SNX29: variants seen among roughly 807,000 people sequenced by gnomAD.
The protein encoded by SNX29 is sorting nexin 29, also known as sorting nexin-29.
SNX29 carries 78 observed loss-of-function variants against 102.1 expected under a neutral mutation model. That is an observed-to-expected ratio of 0.76 (90% confidence interval 0.64 to 0.92). SNX29 has a LOEUF of 0.92. Among genes scored for constraint, SNX29 ranks in the 40% least tolerant of loss-of-function variants. SNX29 has a pLI of 0.00. For synonymous variants in SNX29, 580 were observed against 414.5 expected, an observed-to-expected ratio of 1.40 and a Z score of -4.85; for missense variants, 1,280 against 1,061.7, an observed-to-expected ratio of 1.21 and a Z score of -2.86.
Position 12,126,675 on chromosome 16 carries a change from A to T in SNX29, c.1445A>T (p.Asp482Val). The change falls in exon 12 of 21, where the codon GAT becomes GTT. Residue 482 changes from aspartate to valine, a missense_variant. Physicochemically the swap from Asp to Val is radical, Grantham distance 152. Coordinates refer to ENST00000566228, the MANE Select transcript of SNX29 (RefSeq NM_032167.5). ...QATVAMMNRK[D>V]ELEEENRSLR... ...ACTGTGGCCATGATGAACAGGAAGG[A>T]TGAGCTGGAGGAGGAGAACAGGTAC... 1 of 1,614,020 alleles carries T rather than the reference A, an allele frequency of 6.2e-7. No individual in the cohort carries two copies. Among genetic ancestry groups the T allele is most frequent in the Non-Finnish European group, 8.5e-7 (1 of 1,179,890 alleles).
intron 14 of SNX29, among the ~76,000 whole-genome samples, chr16:12,253,565 G>T (rs953543013): frequency 6.6e-6 from 1 of 152,140 alleles, no homozygotes. Context: ...AGTTGCCAAG[G>T]GGGCACTGGC....
chr16:12,325,391 C>T (rs118126516), intron 15 of SNX29, among the ~76,000 whole-genome samples: 2,851 of 152,252 alleles, frequency 0.019, 41 homozygotes, highest in Middle Eastern at 0.058. Context: ...TAAATGCATT[C>T]TGGCAGCTCT....
At chr16:12,164,197 T>C (rs1051540393) in intron 13 of SNX29, among the ~76,000 whole-genome samples, 1 of 151,606 alleles carries the variant, frequency 6.6e-6, no homozygotes, top group Non-Finnish European at 1.5e-5. Flanking sequence ...GGCCCTGGGG[T>C]AGGGATGAGT....
chr16:12,422,263 T>C (rs2084904248), intron 18 of SNX29, among the ~76,000 whole-genome samples: 1 of 152,190 alleles, frequency 6.6e-6, no homozygotes, highest in African/African-American at 2.4e-5. Context: ...GTTACCCATC[T>C]GCAAACAGAG....
At chr16:12,281,961 A>G (rs147583703) in intron 15 of SNX29, among the ~76,000 whole-genome samples, 44 of 151,802 alleles carry the variant, frequency 2.9e-4, no homozygotes, top group Admixed American at 6.6e-4. Flanking sequence ...GCATATGTCT[A>G]TAGTCCCCAG....
In SNX29 at chr16:12,413,786, C is replaced by T. The variant is rs559607653; in HGVS notation, c.2037+10257C>T. Among the ~76,000 whole-genome samples, 42 of 152,322 alleles carry T rather than the reference C, an allele frequency of 2.8e-4. 1 individual carries two copies. Among genetic ancestry groups the T allele is most frequent in the Admixed American group, 2.2e-3 (34 of 15,306 alleles). On this transcript the variant is annotated intron_variant, in intron 18 of 20. Coordinates refer to ENST00000566228, the MANE Select transcript of SNX29 (RefSeq NM_032167.5). ...CTGCATCAGCCTGTGGCTTTGAGAG[C>T]CGCCTTGCTGAGAGTGGCCTTACTC...
chr16:12,292,595 TTGTAAGGGGCAC>T (rs1351484950), intron 15 of SNX29, among the ~76,000 whole-genome samples: 2 of 152,210 alleles, frequency 1.3e-5, no homozygotes, highest in Non-Finnish European at 2.9e-5. Context: ...TTCTAGTTGA[TTGTAAGGGGCAC>T]TGCCAGAAGA....
At chr16:12,434,072 C>T (rs2085427138) in intron 18 of SNX29, among the ~76,000 whole-genome samples, 1 of 152,128 alleles carries the variant, frequency 6.6e-6, no homozygotes, top group African/African-American at 2.4e-5. Context: ...GGTTGATGGG[C>T]AAGTTTACTG....
chr16:12,041,221 C>T (rs1436693697), intron 4 of SNX29, among the ~76,000 whole-genome samples: 3 of 152,164 alleles, frequency 2.0e-5, no homozygotes, highest in Non-Finnish European at 4.4e-5. Flanking sequence ...AAATGATTCT[C>T]CTGCCTCAGC....
chr16:12,308,757 C>T (rs2080433064), intron 15 of SNX29, among the ~76,000 whole-genome samples: 1 of 152,130 alleles, frequency 6.6e-6, no homozygotes, highest in Non-Finnish European at 1.5e-5. Flanking sequence ...ATCAGTTTCT[C>T]AGCTGGAGAG....
intron 16 of SNX29, among the ~76,000 whole-genome samples, chr16:12,396,761 G>C (rs2083738589): frequency 6.6e-6 from 1 of 152,330 alleles, no homozygotes; most frequent in Non-Finnish European, 1.5e-5. Context: ...CATGGAGTGG[G>C]ATGAGGTGGA....
chr16:12,546,566 A>G (rs1032023501), intron 20 of SNX29: 7 of 152,212 alleles, frequency 4.6e-5, no homozygotes, highest in Admixed American at 1.3e-4. Flanking sequence ...AAGATGACAC[A>G]TGGTTTGGCT....
chr16:12,477,182 C>T (rs527559802), intron 18 of SNX29, among the ~76,000 whole-genome samples: 7 of 152,302 alleles, frequency 4.6e-5, no homozygotes, highest in East Asian at 1.9e-4. Context: ...CATCTGGACA[C>T]GGCATTCGGT....
intron 13 of SNX29, among the ~76,000 whole-genome samples, chr16:12,146,171 A>G (rs1403000595): frequency 6.6e-6 from 1 of 152,236 alleles, no homozygotes; most frequent in Non-Finnish European, 1.5e-5. Context: ...TAAAGGCTGC[A>G]GTGACTATCT....
At chr16:12,347,866 C>A (rs2081862555) in intron 15 of SNX29, among the ~76,000 whole-genome samples, 1 of 150,108 alleles carries the variant, frequency 6.7e-6, no homozygotes, top group Non-Finnish European at 1.5e-5. Context: ...TTCCTTGAGT[C>A]CAGGAGTTCA....
At chr16:12,553,830 C>A (rs762478606) in intron 20 of SNX29, among the ~76,000 whole-genome samples, 10 of 151,784 alleles carry the variant, frequency 6.6e-5, no homozygotes, top group Non-Finnish European at 1.0e-4. Flanking sequence ...TTGTGATCCA[C>A]CCACCTAGGT....
At chr16:12,330,905 GAC>G (rs1398135886) in intron 15 of SNX29, among the ~76,000 whole-genome samples, 1 of 152,240 alleles carries the variant, frequency 6.6e-6, no homozygotes, top group African/African-American at 2.4e-5. Flanking sequence ...GCAGAGCCCT[GAC>G]ACAGAATGTG....
intron 19 of SNX29, among the ~76,000 whole-genome samples, chr16:12,504,192 T>C (rs2089263993): frequency 6.6e-6 from 1 of 152,204 alleles, no homozygotes; most frequent in Non-Finnish European, 1.5e-5. Flanking sequence ...AGCATAATAT[T>C]TTCAAGGGTC....
chr16:12,400,625 C>T (rs2083901783), intron 17 of SNX29, among the ~76,000 whole-genome samples: 1 of 152,166 alleles, frequency 6.6e-6, no homozygotes, highest in South Asian at 2.1e-4. Flanking sequence ...CAAAGCAGGC[C>T]CTGGAAGTCA....
Sources: allele counts gnomAD v4.1 joint callset (sites outside exome capture counted in the v4.1 genomes callset), GRCh38; gene constraint gnomAD v4.1.1; transcripts MANE v1.5; gene names NCBI Gene and HGNC (gene_info 2026-07-23, HGNC 2026-07-21).